Variants in PDE4D observed in about 807,000 individuals in gnomAD.
PDE4D encodes the protein 3',5'-cyclic-AMP phosphodiesterase 4D.
PDE4D carries 24 observed loss-of-function variants against 87.4 expected under a neutral mutation model. The ratio of observed to expected loss-of-function variants is 0.27; its 90% CI spans 0.20 to 0.39. The LOEUF is 0.39. PDE4D is among the 10% of genes least tolerant of loss of function. PDE4D has a pLI of 1.00. For missense variants in PDE4D, 714 were observed against 1,041.0 expected, an observed-to-expected ratio of 0.69 and a Z score of 4.32; for synonymous variants, 384 against 383.2, an observed-to-expected ratio of 1.00 and a Z score of -0.02.
intron 5 of PDE4D, among the ~76,000 whole-genome samples, chr5:59,057,287 A>T (rs540458794): frequency 6.6e-6 from 1 of 152,290 alleles, no homozygotes; most frequent in South Asian, 2.1e-4. Context: ...TTTTTGGAGT[A>T]AGGCAGTCCT....
intron 1 of PDE4D, among the ~76,000 whole-genome samples, chr5:60,502,171 A>G (rs1750111120): frequency 6.6e-6 from 1 of 152,040 alleles, no homozygotes; most frequent in Non-Finnish European, 1.5e-5. Context: ...TCTTGAATTA[A>G]TTTTTGTATA....
At chr5:59,768,248 A>G (rs753409583) in intron 1 of PDE4D, 1 of 1,598,186 alleles carries the variant, frequency 6.3e-7, no homozygotes. Flanking sequence ...AAACCTTACC[A>G]TGTATGTGCC....
chr5:59,438,054 T>A (rs1158863572), intron 1 of PDE4D, among the ~76,000 whole-genome samples: 1 of 152,148 alleles, frequency 6.6e-6, no homozygotes, highest in East Asian at 1.9e-4. Context: ...GACAGCTGCA[T>A]GGGGGAAACT....
intron 1 of PDE4D, among the ~76,000 whole-genome samples, chr5:59,222,239 G>A (rs1295562321): frequency 6.6e-6 from 1 of 152,182 alleles, no homozygotes; most frequent in African/African-American, 2.4e-5. Flanking sequence ...CATACTTTGT[G>A]TCTACTGACC....
intron 2 of PDE4D, among the ~76,000 whole-genome samples, chr5:60,044,724 A>G (rs1395036557): frequency 6.6e-6 from 1 of 152,228 alleles, no homozygotes. Flanking sequence ...ATAGTATTGC[A>G]TGGTGTATAT....
Position 60,086,103 on chromosome 5 carries a change from C to T in PDE4D, c.43-97386G>A, listed in dbSNP as rs931077297. Among the ~76,000 whole-genome samples, 22 of 152,260 alleles carry T rather than the reference C, an allele frequency of 1.4e-4. 1 individual carries two copies. Among genetic ancestry groups the T allele is most frequent in the Admixed American group, 1.4e-3 (22 of 15,292 alleles). ...TTTATTACGATAGCCAAAAATACCA[C>T]ACACTGAATTAATCTAGTTAAATCT... On this transcript the variant is annotated intron_variant, in intron 2 of 16. Transcript: ENST00000502484.
intron 1 of PDE4D, among the ~76,000 whole-genome samples, chr5:59,279,839 C>T (rs775337423): frequency 4.0e-5 from 6 of 150,308 alleles, no homozygotes; most frequent in Non-Finnish European, 8.9e-5. Flanking sequence ...GTGTGGAAGA[C>T]AGAAAGAAAA....
chr5:59,034,715 A>C (rs1001318645), intron 6 of PDE4D, among the ~76,000 whole-genome samples: 1 of 152,226 alleles, frequency 6.6e-6, no homozygotes, highest in Non-Finnish European at 1.5e-5. Context: ...TAAAGAAGTC[A>C]TGACCACATT....
intron 1 of PDE4D, among the ~76,000 whole-genome samples, chr5:60,431,978 A>T (rs1744363914): frequency 6.6e-6 from 1 of 152,256 alleles, no homozygotes; most frequent in South Asian, 2.1e-4. Context: ...AGGCTGAGGC[A>T]GGAGAATCAG....
At chr5:59,916,021 T>C (rs1754002407) in intron 3 of PDE4D, among the ~76,000 whole-genome samples, 1 of 152,220 alleles carries the variant, frequency 6.6e-6, no homozygotes, top group Non-Finnish European at 1.5e-5. Flanking sequence ...CAGAACTATC[T>C]ATAACCAAGT....
intron 11 of PDE4D, among the ~76,000 whole-genome samples, chr5:58,986,363 T>G (rs1262391759): frequency 1.3e-5 from 2 of 152,142 alleles, no homozygotes; most frequent in Admixed American, 1.3e-4. Context: ...GATGCCAGGG[T>G]CCTCCAGGTG....
intron 1 of PDE4D, among the ~76,000 whole-genome samples, chr5:59,818,343 G>T (rs1220078439): frequency 6.6e-6 from 1 of 152,188 alleles, no homozygotes; most frequent in East Asian, 1.9e-4. Context: ...AGGTTTAAAT[G>T]AGTTAATATA....
chr5:60,391,771 A>C (rs1762574380), intron 1 of PDE4D, among the ~76,000 whole-genome samples: 1 of 152,190 alleles, frequency 6.6e-6, no homozygotes, highest in South Asian at 2.1e-4. Flanking sequence ...GTATTCAAAG[A>C]TTCCAGAGAT....
chr5:59,501,464 C>G (rs568136653), intron 1 of PDE4D, among the ~76,000 whole-genome samples: 14 of 152,172 alleles, frequency 9.2e-5, no homozygotes, highest in Middle Eastern at 3.4e-3. Flanking sequence ...TATTACACAG[C>G]AAATACAGCG....
At chr5:60,233,345 G>A (rs1746033020) in intron 1 of PDE4D, among the ~76,000 whole-genome samples, 1 of 151,688 alleles carries the variant, frequency 6.6e-6, no homozygotes, top group Non-Finnish European at 1.5e-5. Flanking sequence ...GTTAAAACTT[G>A]AATGGTTATT....
intron 1 of PDE4D, among the ~76,000 whole-genome samples, chr5:60,307,990 G>A (rs1475374716): frequency 2.6e-5 from 4 of 152,086 alleles, no homozygotes; most frequent in Admixed American, 6.6e-5. Flanking sequence ...GCAGTGAGCC[G>A]AGATAGCACC....
At chr5:59,545,094 T>C (rs1817038915) in intron 1 of PDE4D, among the ~76,000 whole-genome samples, 1 of 152,316 alleles carries the variant, frequency 6.6e-6, no homozygotes, top group East Asian at 1.9e-4. Context: ...AGCCAAAATA[T>C]AACTATGCCC....
chr5:59,657,360 A>AT (rs1009352283), intron 1 of PDE4D, among the ~76,000 whole-genome samples: 54 of 152,108 alleles, frequency 3.6e-4, no homozygotes, highest in Middle Eastern at 3.2e-3. Context: ...AAGGCTTGTG[A>AT]TTTTTTCCCC....
At chr5:60,209,258 C>A (rs1460321455) in intron 1 of PDE4D, among the ~76,000 whole-genome samples, 1 of 148,166 alleles carries the variant, frequency 6.7e-6, no homozygotes, top group Non-Finnish European at 1.5e-5. Flanking sequence ...AGCACTAGAA[C>A]CCTTATACTT....
Sources: gnomAD v4.1 joint callset for allele counts (sites outside exome capture counted in the v4.1 genomes callset) on GRCh38, gnomAD v4.1.1 for gene constraint, MANE v1.5 for transcripts, NCBI Gene and HGNC (gene_info 2026-07-23, HGNC 2026-07-21) for gene names.